METAP2: variants seen among roughly 807,000 people sequenced by gnomAD.
METAP2 encodes methionyl aminopeptidase 2.
METAP2 carries 25 observed loss-of-function variants against 59.4 expected under a neutral mutation model. The observed-to-expected ratio is 0.42, with a 90% CI of 0.31 to 0.59. The LOEUF (loss-of-function observed/expected upper bound fraction) is 0.59. Ranked by LOEUF, METAP2 falls within the 20% of genes least tolerant of loss-of-function variation. METAP2 has a pLI of 0.16. For missense variants in METAP2, 366 were observed against 581.2 expected (o/e 0.63, Z 3.81); for synonymous variants, 214 against 194.1 (o/e 1.10, Z -0.85).
At chr12:95,484,015 G>C (rs2076178155) in intron 3 of METAP2, among the ~76,000 whole-genome samples, 1 of 151,970 alleles carries the variant, frequency 6.6e-6, no homozygotes, top group African/African-American at 2.4e-5. Flanking sequence ...ACATCATCAG[G>C]TGCCCGAAAA....
chr12:95,504,206 A>G (rs773618905), intron 8 of METAP2, 45 bp downstream of exon 8: 4 of 1,353,398 alleles, frequency 3.0e-6, no homozygotes, highest in Non-Finnish European at 3.1e-6. Flanking sequence ...TGATTTTACA[A>G]ACTATTGTCG....
rs780588841 is a variant in METAP2 at position 95,512,930 on chromosome 12, CGATT to C, written c.1184+19_1184+22del. On this transcript the variant is annotated intron_variant, in intron 10 of 10. Transcript: ENST00000323666. Reference sequence around the variant, plus strand: ...TGTGCCAATAAGGTGAGAGACGAGACGATTGATTTTATGTGGCTAATTAGCATCT... The same window carrying C: ...TGTGCCAATAAGGTGAGAGACGAGACGATTTTATGTGGCTAATTAGCATCT... 1.0e-5 allele frequency: 15 copies of C among 1,468,320 alleles called. No homozygotes were observed. Among genetic ancestry groups the C allele is most frequent in the Admixed American group, 1.7e-5 (1 of 58,426 alleles). The allele number at this position is 1,468,320 out of a possible 1,614,324, so 91.0% of individuals were successfully genotyped here.
rs575653943 is a variant in METAP2 at position 95,489,319 on chromosome 12, ATAAG to A, written c.428+3341_428+3344del. Among the ~76,000 whole-genome samples the A allele has an allele frequency of 1.1e-4, 16 of 152,330 alleles. No individual in the cohort carries two copies. The South Asian group carries it at 3.3e-3, about 32-fold the overall frequency. ...TACTCTAAGCTTCTATTGAAATTAA[ATAAG>A]TAGAATAACTTCTGTTTTTGAAATA... On this transcript the variant is annotated intron_variant, in intron 4 of 10. Coordinates refer to ENST00000323666, the MANE Select transcript of METAP2 (RefSeq NM_006838.4).
intron 7 of METAP2, among the ~76,000 whole-genome samples, chr12:95,496,592 C>T (rs946669807): frequency 2.6e-5 from 4 of 151,978 alleles, no homozygotes; most frequent in African/African-American, 4.8e-5. Flanking sequence ...TAGTAATATA[C>T]ATAAGGGGTT....
chr12:95,506,198 C>G (rs919474069), intron 8 of METAP2, among the ~76,000 whole-genome samples: 4 of 151,978 alleles, frequency 2.6e-5, no homozygotes, highest in African/African-American at 4.8e-5. Context: ...GGAGTGCGCT[C>G]AGCTTCCCGA....
chr12:95,483,243 T>G lies in METAP2; in HGVS notation c.288T>G (p.Thr96=). The change falls in exon 3 of 11, where the codon ACT becomes ACG. Residue 96 remains threonine, a synonymous_variant. Coordinates refer to ENST00000323666, the MANE Select transcript of METAP2 (RefSeq NM_006838.4). ...GAGATGGCGATGGAGATGGAGCAACTGGAAAGAAGAAGAAAAAGAAGAAGA... is the reference window on the plus strand; with the variant it reads ...GAGATGGCGATGGAGATGGAGCAACGGGAAAGAAGAAGAAAAAGAAGAAGA... The part of the protein sequence containing the change: ...EDGDGDGDGA[T]GKKKKKKKKK... The G allele has an allele frequency of 1.2e-6, 2 of 1,613,014 alleles. No homozygotes were observed. Among genetic ancestry groups the G allele is most frequent in the South Asian group, 2.2e-5 (2 of 91,056 alleles).
chr12:95,514,563 A>G lies in METAP2; in HGVS notation c.*659A>G, dbSNP rs2099160300. The G allele has an allele frequency of 1.3e-5, 2 of 152,228 alleles. No homozygotes were observed. The highest frequency in any genetic ancestry group is 4.8e-5 in the African/African-American group (2 of 41,464). 9.4% of individuals were successfully genotyped at this position (152,228 alleles called of 1,614,324 possible). ...AATATTTCACCATTCTTTGTAGGACATAGTAGTCCTTGTCTTTTTTTCTCC... is the reference window on the plus strand; with the variant it reads ...AATATTTCACCATTCTTTGTAGGACGTAGTAGTCCTTGTCTTTTTTTCTCC... On this transcript the variant is annotated 3_prime_UTR_variant, in exon 11 of 11. Transcript: ENST00000323666.
intron 4 of METAP2, among the ~76,000 whole-genome samples, chr12:95,491,082 C>CT (rs11329335): frequency 0.011 from 1,415 of 134,472 alleles, 14 homozygotes; most frequent in Non-Finnish European, 0.016. Flanking sequence ...ACAGCCAACT[C>CT]TTTTTTTTTT....
At chr12:95,489,150 A>G (rs2076219455) in intron 4 of METAP2, among the ~76,000 whole-genome samples, 1 of 152,128 alleles carries the variant, frequency 6.6e-6, no homozygotes, top group Admixed American at 6.6e-5. Flanking sequence ...ACTTGCTGCT[A>G]GAGTGGAGGA....
At chr12:95,493,709 G>T (rs2140150937) in intron 4 of METAP2, among the ~76,000 whole-genome samples, 1 of 152,304 alleles carries the variant, frequency 6.6e-6, no homozygotes, top group Admixed American at 6.5e-5. Context: ...AAGTATATAT[G>T]ACCTCAAGTG....
chr12:95,498,143 A>AC (rs1491552454), intron 7 of METAP2, among the ~76,000 whole-genome samples: 5 of 151,130 alleles, frequency 3.3e-5, no homozygotes, highest in Non-Finnish European at 7.4e-5. Flanking sequence ...AAAAAAAAAA[A>AC]AAAACAGTAG....
At chr12:95,487,758 T>C (rs1396386673) in intron 4 of METAP2, among the ~76,000 whole-genome samples, 1 of 152,198 alleles carries the variant, frequency 6.6e-6, no homozygotes, top group Admixed American at 6.5e-5. Context: ...AATGGAATCA[T>C]AGGCACACTT....
intron 4 of METAP2, among the ~76,000 whole-genome samples, chr12:95,487,969 C>G (rs1215531067): frequency 6.6e-6 from 1 of 151,946 alleles, no homozygotes; most frequent in African/African-American, 2.4e-5. Context: ...AATAAACCTC[C>G]TTAGGTAAAT....
chr12:95,512,435 G>A (rs112186691), intron 9 of METAP2, among the ~76,000 whole-genome samples: 108 of 152,104 alleles, frequency 7.1e-4, no homozygotes, highest in Non-Finnish European at 1.2e-3. Context: ...GGCCAGGCTC[G>A]GTAGCTCAGG....
At chr12:95,506,363 C>T (rs1192594835) in intron 8 of METAP2, among the ~76,000 whole-genome samples, 2 of 141,102 alleles carry the variant, frequency 1.4e-5, no homozygotes, top group African/African-American at 5.3e-5. Context: ...GTGGCGCAAT[C>T]TTGGTTCACG....
chr12:95,498,381 A>G (rs1398445067), intron 7 of METAP2, among the ~76,000 whole-genome samples: 1 of 152,136 alleles, frequency 6.6e-6, no homozygotes, highest in Non-Finnish European at 1.5e-5. Context: ...TTTTTCTCAT[A>G]TTGTGGGTTA....
intron 8 of METAP2, among the ~76,000 whole-genome samples, chr12:95,510,676 G>A (rs1295403749): frequency 2.0e-5 from 3 of 152,156 alleles, no homozygotes; most frequent in African/African-American, 7.2e-5. Flanking sequence ...TCCAATTACA[G>A]CAGCCTGCCT....
At chr12:95,490,538 C>T (rs1192259462) in intron 4 of METAP2, among the ~76,000 whole-genome samples, 2 of 148,414 alleles carry the variant, frequency 1.3e-5, no homozygotes, top group African/African-American at 2.5e-5. Context: ...GTTGTGAACA[C>T]TCTTCTCACA....
intron 7 of METAP2, among the ~76,000 whole-genome samples, chr12:95,501,322 C>T (rs1440418995): frequency 1.3e-5 from 2 of 152,092 alleles, no homozygotes; most frequent in Non-Finnish European, 2.9e-5. Flanking sequence ...GCCACTGTGT[C>T]CGACCTAATA....
Sources: allele counts gnomAD v4.1 joint callset (sites outside exome capture counted in the v4.1 genomes callset), GRCh38; gene constraint gnomAD v4.1.1; transcripts MANE v1.5; gene names NCBI Gene and HGNC (gene_info 2026-07-23, HGNC 2026-07-21).